The following NRP1 variants were observed in gnomAD, a reference collection of about 807,000 sequenced individuals.
NRP1 encodes neuropilin 1, also known as neuropilin-1.
Under a neutral mutation model 106.7 loss-of-function variants are expected in NRP1, and 35 were observed. The observed-to-expected ratio is 0.33, with a 90% confidence interval of 0.25 to 0.43. The LOEUF (loss-of-function observed/expected upper bound fraction) is 0.43. NRP1 is among the 20% of genes least tolerant of loss of function. The pLI is 1.00. For synonymous variants in NRP1, 437 were observed against 417.9 expected (o/e 1.05, Z -0.56); for missense variants, 1,024 against 1,170.4 (o/e 0.87, Z 1.83).
intron 6 of NRP1, among the ~76,000 whole-genome samples, chr10:33,241,247 G>A (rs928527506): frequency 3.3e-5 from 5 of 152,150 alleles, no homozygotes; most frequent in African/African-American, 1.2e-4. Flanking sequence ...GGAGAAAGGG[G>A]CAAGGCATAG....
intron 10 of NRP1, chr10:33,206,384 A>G (rs1837783976): frequency 1.9e-6 from 1 of 513,368 alleles, no homozygotes; most frequent in African/African-American, 1.9e-5. Context: ...GGACATGACT[A>G]CAGATATGGA....
rs1836113697 is a variant in NRP1 at position 33,187,830 on chromosome 10, G to A, written c.2063-1342C>T. On this transcript the variant is annotated intron_variant, in intron 13 of 16. Transcript: ENST00000374867. ...CACACGTGGGCACATACTCCTTTCC[G>A]CTTGCCTGTGTCAACAGTGTCCAGG... 2.6e-5 allele frequency among the ~76,000 whole-genome samples: 4 copies of A among 152,132 alleles called. No individual in the cohort carries two copies. The South Asian group carries it at 6.2e-4, about 24-fold the overall frequency.
chr10:33,334,353 G>C lies in NRP1; in HGVS notation c.30C>G (p.Ala10=), dbSNP rs997407891. ...CCGGGGCGAGGACGAGGGCGAGCAC[G>C]GCGCAGAGGAGCGGCAGCCCCCTCT... is the stretch of plus-strand genomic sequence containing the variant. MERGLPLLC[A]VLALVLAPAG... is the part of the protein sequence containing the mutation. The change falls in exon 1 of 17, where the codon GCC becomes GCG. Residue 10 remains alanine, a synonymous_variant. Coordinates refer to ENST00000374867, the MANE Select transcript of NRP1 (RefSeq NM_003873.7). 3 of 1,546,702 alleles carry C rather than the reference G, an allele frequency of 1.9e-6. No homozygotes were observed. Among genetic ancestry groups the C allele is most frequent in the African/African-American group, 1.4e-5 (1 of 73,232 alleles).
rs1180861908 is a variant in NRP1 at position 33,233,580 on chromosome 10, G to A, written c.982-7291C>T. Reference sequence around the variant, plus strand: ...CAACCAATATTGGTAATGTCATAACGTGGAAAGCCTCATTTCTAAAATGAA... The same window carrying A: ...CAACCAATATTGGTAATGTCATAACATGGAAAGCCTCATTTCTAAAATGAA... On this transcript the variant is annotated intron_variant, in intron 6 of 16. Transcript: ENST00000374867. 4.6e-5 allele frequency among the ~76,000 whole-genome samples: 7 copies of A among 152,232 alleles called. No individual in the cohort carries two copies. In the East Asian group the frequency reaches 7.7e-4, roughly 17 times the overall value.
chr10:33,247,625 G>C (rs1428764534), intron 6 of NRP1, among the ~76,000 whole-genome samples: 2 of 152,222 alleles, frequency 1.3e-5, no homozygotes, highest in African/African-American at 4.8e-5. Flanking sequence ...GCTGGCATGA[G>C]AGTATCTCTC....
chr10:33,211,206 C>T lies in NRP1; in HGVS notation c.1614+2180G>A, dbSNP rs549099116. ...TGCAGACGCATGAATTATATAGAGA[C>T]GGGGAAGCATGTGATGCATCCTATC... is the stretch of plus-strand genomic sequence containing the variant. On this transcript the variant is annotated intron_variant, in intron 9 of 16. Transcript: ENST00000374867. 4.6e-5 allele frequency: 7 copies of T among 152,308 alleles called. No individual in the cohort carries two copies. The East Asian group carries it at 5.8e-4, about 13-fold the overall frequency. The allele number at this position is 152,308 out of a possible 1,614,324, so 9.4% of individuals were successfully genotyped here. A position where few individuals can be genotyped will look rare whatever the true frequency, so the allele number is the denominator to read the frequency against.
chr10:33,320,181 C>T (rs1847390759), intron 2 of NRP1, among the ~76,000 whole-genome samples: 2 of 151,874 alleles, frequency 1.3e-5, no homozygotes. Flanking sequence ...GGCGTGGTGG[C>T]GTGTGCCTGT....
intron 6 of NRP1, among the ~76,000 whole-genome samples, chr10:33,237,833 T>G (rs1026726442): frequency 5.9e-5 from 9 of 152,082 alleles, no homozygotes; most frequent in African/African-American, 2.2e-4. Flanking sequence ...ATTACAAGTG[T>G]GAGCCACCAG....
chr10:33,187,309 A>C (rs922954495), intron 13 of NRP1, among the ~76,000 whole-genome samples: 7 of 152,216 alleles, frequency 4.6e-5, no homozygotes, highest in Admixed American at 6.5e-5. Context: ...AATTTCTGTC[A>C]CTATGACTGC....
chr10:33,221,938 G>T, intron 7 of NRP1, 75 bp from the exon 8 acceptor site: 2 of 1,474,612 alleles, frequency 1.4e-6, no homozygotes, highest in South Asian at 1.2e-5. Context: ...TTCACAAATG[G>T]TTGTAAAAAT....
intron 6 of NRP1, among the ~76,000 whole-genome samples, chr10:33,234,720 G>C (rs1002740025): frequency 6.6e-6 from 1 of 152,176 alleles, no homozygotes; most frequent in Admixed American, 6.5e-5. Flanking sequence ...TTTTCTTTTA[G>C]TCTTAATTGC....
At position 33,222,530 on chromosome 10, in the gene NRP1, TA is replaced by T. The variant is rs1459931403; in HGVS notation, c.1138-668del. Among the ~76,000 whole-genome samples the T allele has an allele frequency of 7.7e-4, 87 of 113,710 alleles. 1 individual carries two copies. The East Asian group carries it at 0.025, about 32-fold the overall frequency. 74.6% of individuals were successfully genotyped at this position (113,710 alleles called of 152,430 possible). ...TTATTTATTTATTTATTTATTTATT[TA>T]TTTATTTAAGATGGAGTCTCGCTCT... is the stretch of plus-strand genomic sequence containing the variant. On this transcript the variant is annotated intron_variant, in intron 7 of 16. Transcript: ENST00000374867.
chr10:33,263,719 C>T lies in NRP1; in HGVS notation c.585G>A (p.Glu195=). 1 of 1,614,096 alleles carries T rather than the reference C, an allele frequency of 6.2e-7. No individual in the cohort carries two copies. The highest frequency in any genetic ancestry group is 8.5e-7 in the Non-Finnish European group (1 of 1,180,006). The change falls in exon 4 of 17, where the codon GAG becomes GAA. Residue 195 remains glutamate, a synonymous_variant. Transcript: ENST00000374867. ...IILEFESFDL[E]PDSNPPGGMF... is the part of the protein sequence containing the mutation. Reference sequence around the variant, plus strand: ...TCCCCCCTGGAGGATTTGAGTCAGGCTCCAGGTCAAAGCTTTCAAATTCCA... The same window carrying T: ...TCCCCCCTGGAGGATTTGAGTCAGGTTCCAGGTCAAAGCTTTCAAATTCCA...
At chr10:33,191,072 G>A (rs1836378864) in intron 13 of NRP1, among the ~76,000 whole-genome samples, 1 of 152,088 alleles carries the variant, frequency 6.6e-6, no homozygotes. Flanking sequence ...TGCCCAGGCT[G>A]GTCTCTAACT....
intron 13 of NRP1, among the ~76,000 whole-genome samples, chr10:33,191,813 C>T (rs564399827): frequency 1.2e-4 from 18 of 151,884 alleles, no homozygotes; most frequent in East Asian, 3.9e-4. Flanking sequence ...CCCGTCTCTA[C>T]TAAAAATACA....
In NRP1 at chr10:33,192,370, T is replaced by G; in HGVS notation, c.1973A>C (p.Lys658Thr). The G allele has an allele frequency of 6.2e-7, 1 of 1,613,934 alleles. No homozygotes were observed. Among genetic ancestry groups the G allele is most frequent in the Non-Finnish European group, 8.5e-7 (1 of 1,179,920 alleles). Residue 658 changes from lysine to threonine, a missense_variant, in exon 13 of 17, where the codon AAG becomes ACG. Around this residue, in one of 5 missense-constraint regions of NRP1, gnomAD observed 562 missense variants for 620.3 expected, o/e 0.91. Coordinates refer to ENST00000374867, the MANE Select transcript of NRP1 (RefSeq NM_003873.7). ...FNCEFGWGSH[K>T]TFCHWEHDNH... is the part of the protein sequence containing the mutation. ...GTCATGTTCCCAGTGGCAGAAGGTC[T>G]TGTGAGAGCCCCAGCCAAATTCACA... is the stretch of plus-strand genomic sequence containing the variant.
At chr10:33,331,032 G>GCAACACA in intron 1 of NRP1, 150 bp from the exon 2 acceptor site, 1 of 609,402 alleles carries the variant, frequency 1.6e-6, no homozygotes, top group East Asian at 3.1e-5. Flanking sequence ...GGCTCTGAGT[G>GCAACACA]CAACACTCCA....
intron 12 of NRP1, among the ~76,000 whole-genome samples, chr10:33,193,233 G>T (rs1052877403): frequency 6.6e-6 from 1 of 151,988 alleles, no homozygotes; most frequent in Non-Finnish European, 1.5e-5. Context: ...TGCCCTACAA[G>T]GTGCTGTTGG....
intron 15 of NRP1, among the ~76,000 whole-genome samples, chr10:33,184,755 C>T (rs543716755): frequency 7.2e-5 from 11 of 152,162 alleles, no homozygotes; most frequent in East Asian, 1.9e-4. Context: ...AAATTATTGC[C>T]GCTTTAGGGA....
Sources: gnomAD v4.1 joint callset for allele counts (sites outside exome capture counted in the v4.1 genomes callset) on GRCh38, gnomAD v4.1.1 for gene constraint, gnomAD v4.1.1 regional missense constraint, MANE v1.5 for transcripts, NCBI Gene and HGNC (gene_info 2026-07-23, HGNC 2026-07-21) for gene names.